The following SEC22A variants were observed in gnomAD, a reference collection of about 807,000 sequenced individuals.
The protein encoded by SEC22A is SEC22 homolog A, vesicle trafficking protein, also known as vesicle-trafficking protein SEC22a.
SEC22A carries 22 observed loss-of-function variants against 35.3 expected under a neutral mutation model. The observed-to-expected ratio is 0.62, with a 90% CI of 0.45 to 0.89. The LOEUF is 0.89. Among genes scored for constraint, SEC22A ranks in the 40% least tolerant of loss-of-function variants. The pLI is 0.00. For synonymous variants in SEC22A, 119 were observed against 129.5 expected (o/e 0.92, Z 0.55); for missense variants, 354 against 362.5 (o/e 0.98, Z 0.19).
intron 5 of SEC22A, among the ~76,000 whole-genome samples, chr3:123,255,468 C>T (rs1216436415): frequency 6.6e-6 from 1 of 151,944 alleles, no homozygotes; most frequent in East Asian, 1.9e-4. Flanking sequence ...TACATTTATA[C>T]ATACACACAC....
At chr3:123,269,063 T>C (rs1452512897) in intron 6 of SEC22A, among the ~76,000 whole-genome samples, 1 of 152,222 alleles carries the variant, frequency 6.6e-6, no homozygotes, top group African/African-American at 2.4e-5. Flanking sequence ...TTGGTTAAGA[T>C]GGTGTCTACC....
intron 4 of SEC22A, among the ~76,000 whole-genome samples, chr3:123,231,167 A>G (rs1937318678): frequency 6.6e-6 from 1 of 152,208 alleles, no homozygotes. Context: ...ATTAAGTAAA[A>G]CCTGCCAGAA....
At chr3:123,267,227 C>T (rs574070652) in intron 6 of SEC22A, among the ~76,000 whole-genome samples, 94 of 151,554 alleles carry the variant, frequency 6.2e-4, no homozygotes, top group African/African-American at 2.1e-3. Context: ...CATTGCTGTA[C>T]GTAAGTCATT....
At chr3:123,239,849 A>T (rs1937494223) in intron 4 of SEC22A, among the ~76,000 whole-genome samples, 1 of 151,880 alleles carries the variant, frequency 6.6e-6, no homozygotes, top group Non-Finnish European at 1.5e-5. Flanking sequence ...CCCATTTGTC[A>T]ATTTTGGCTT....
chr3:123,272,889 T>C lies in SEC22A; in HGVS notation c.*1167T>C, dbSNP rs1457233866. On this transcript the variant is annotated 3_prime_UTR_variant, in exon 7 of 7. Coordinates refer to ENST00000492595, the MANE Select transcript of SEC22A (RefSeq NM_012430.5). ...AGGTGGCTTTCCTAGCAACTCATTA[T>C]TTTATGGCTTTGAGGAATTAAGCCC... 2 of 153,806 alleles carry C rather than the reference T, an allele frequency of 1.3e-5. No homozygotes were observed. Among genetic ancestry groups the C allele is most frequent in the Non-Finnish European group, 1.5e-5 (1 of 68,032 alleles). 9.5% of individuals were successfully genotyped at this position (153,806 alleles called of 1,614,324 possible). A position where few individuals can be genotyped will look rare whatever the true frequency, so the allele number is the denominator to read the frequency against.
At chr3:123,240,457 C>T (rs1937507565) in intron 4 of SEC22A, among the ~76,000 whole-genome samples, 1 of 152,184 alleles carries the variant, frequency 6.6e-6, no homozygotes, top group Admixed American at 6.5e-5. Flanking sequence ...ATACATGTTG[C>T]CTGTCTCAGT....
intron 4 of SEC22A, among the ~76,000 whole-genome samples, chr3:123,237,375 G>C (rs1436358115): frequency 1.3e-5 from 2 of 152,206 alleles, no homozygotes; most frequent in Non-Finnish European, 2.9e-5. Flanking sequence ...TGTTCCATAA[G>C]AAGACTGCAT....
chr3:123,245,208 T>A (rs1937556698), intron 4 of SEC22A, among the ~76,000 whole-genome samples: 1 of 152,250 alleles, frequency 6.6e-6, no homozygotes. Flanking sequence ...TTTAAAATGT[T>A]TCCTAAGCAT....
intron 5 of SEC22A, among the ~76,000 whole-genome samples, chr3:123,259,145 T>C (rs1339608819): frequency 6.6e-6 from 1 of 152,228 alleles, no homozygotes; most frequent in Non-Finnish European, 1.5e-5. Flanking sequence ...AGTATTTGAA[T>C]CAAGTAATGA....
At chr3:123,229,413 A>T (rs1937274316) in intron 4 of SEC22A, among the ~76,000 whole-genome samples, 1 of 152,234 alleles carries the variant, frequency 6.6e-6, no homozygotes, top group African/African-American at 2.4e-5. Flanking sequence ...TGACATACAA[A>T]TTGCTGAAAG....
chr3:123,227,055 T>C (rs1035783370), intron 4 of SEC22A, among the ~76,000 whole-genome samples: 2 of 152,322 alleles, frequency 1.3e-5, no homozygotes, highest in African/African-American at 2.4e-5. Context: ...GTAAATACTT[T>C]AGTGATCGTC....
At chr3:123,221,675 A>G (rs920822395) in intron 2 of SEC22A, among the ~76,000 whole-genome samples, 1 of 152,010 alleles carries the variant, frequency 6.6e-6, no homozygotes, top group Non-Finnish European at 1.5e-5. Context: ...TGGGGTATAT[A>G]CTAGATTCTA....
intron 2 of SEC22A, among the ~76,000 whole-genome samples, chr3:123,213,921 C>T (rs963033064): frequency 1.3e-5 from 2 of 152,138 alleles, no homozygotes; most frequent in African/African-American, 2.4e-5. Context: ...TGGTGGCTCA[C>T]GCCTGTAATC....
chr3:123,274,036 T>C lies in SEC22A; in HGVS notation c.*2314T>C, dbSNP rs1036777949. The C allele has an allele frequency of 1.3e-5, 2 of 152,170 alleles. No individual in the cohort carries two copies. Among genetic ancestry groups the C allele is most frequent in the African/African-American group, 4.8e-5 (2 of 41,398 alleles). The allele number at this position is 152,170 out of a possible 1,614,324, so 9.4% of individuals were successfully genotyped here. A position where few individuals can be genotyped will look rare whatever the true frequency, so the allele number is the denominator to read the frequency against. ...ACCAACTATTTTTAAAGGCTTACTT[T>C]GTTTTTGTTTTTATTTTTTCACTGG... On this transcript the variant is annotated 3_prime_UTR_variant, in exon 7 of 7. Coordinates refer to ENST00000492595, the MANE Select transcript of SEC22A (RefSeq NM_012430.5).
chr3:123,244,111 T>C (rs1176798615), intron 4 of SEC22A, among the ~76,000 whole-genome samples: 1 of 147,354 alleles, frequency 6.8e-6, no homozygotes, highest in African/African-American at 2.5e-5. Context: ...AAATCTGTTT[T>C]ACTGAAGTAA....
At chr3:123,237,586 C>T (rs1937444838) in intron 4 of SEC22A, among the ~76,000 whole-genome samples, 1 of 152,112 alleles carries the variant, frequency 6.6e-6, no homozygotes, top group African/African-American at 2.4e-5. Context: ...TTCCATTGGA[C>T]CTTCCTTCTC....
chr3:123,228,638 G>T (rs1194157763), intron 4 of SEC22A, among the ~76,000 whole-genome samples: 3 of 151,592 alleles, frequency 2.0e-5, no homozygotes, highest in African/African-American at 7.3e-5. Flanking sequence ...GGGTAGAGGG[G>T]ACAGAATGTA....
At chr3:123,259,684 C>T in intron 6 of SEC22A, 95 bp downstream of exon 6, 3 of 861,550 alleles carry the variant, frequency 3.5e-6, no homozygotes, top group Non-Finnish European at 5.5e-6. Flanking sequence ...ATTATTAAAA[C>T]TCTGAGTTCT....
At chr3:123,267,310 G>T (rs1938049387) in intron 6 of SEC22A, among the ~76,000 whole-genome samples, 1 of 146,680 alleles carries the variant, frequency 6.8e-6, no homozygotes, top group African/African-American at 2.5e-5. Flanking sequence ...ATCTTCCTGT[G>T]GGTTACTTTA....
Sources: allele counts gnomAD v4.1 joint callset (sites outside exome capture counted in the v4.1 genomes callset), GRCh38; gene constraint gnomAD v4.1.1; transcripts MANE v1.5; gene names NCBI Gene and HGNC (gene_info 2026-07-23, HGNC 2026-07-21).